Variants in P2RX7 observed in about 807,000 individuals in gnomAD.
P2RX7 encodes the protein purinergic receptor P2X 7, also known as P2X purinoceptor 7.
A neutral mutation model predicts 71.6 loss-of-function variants in P2RX7; 62 were observed. The observed-to-expected ratio is 0.87, with a 90% confidence interval of 0.71 to 1.07. The LOEUF is 1.07. P2RX7 is among the 50% of genes least tolerant of loss of function. P2RX7 has a pLI of 0.00. For synonymous variants in P2RX7, 299 were observed against 283.3 expected (o/e 1.06, Z -0.56); for missense variants, 686 against 748.5 (o/e 0.92, Z 0.97).
chr12:121,165,527 T>C (rs1880845742), intron 6 of P2RX7, 90 bp downstream of exon 6: 13 of 1,009,870 alleles, frequency 1.3e-5, no homozygotes, highest in Non-Finnish European at 1.5e-5. Flanking sequence ...AACAAACGCC[T>C]ATTGTCTCCC....
chr12:121,137,367 A>G (rs1873926252), intron 1 of P2RX7, among the ~76,000 whole-genome samples: 1 of 152,190 alleles, frequency 6.6e-6, no homozygotes, highest in Non-Finnish European at 1.5e-5. Context: ...TCTGGAGGCA[A>G]AATTGGTTCC....
intron 1 of P2RX7, among the ~76,000 whole-genome samples, chr12:121,153,242 C>G (rs1397709262): frequency 6.6e-6 from 1 of 152,238 alleles, no homozygotes; most frequent in Non-Finnish European, 1.5e-5. Flanking sequence ...GGGACTGAGT[C>G]TTGGCCCACT....
intron 1 of P2RX7, among the ~76,000 whole-genome samples, chr12:121,140,160 C>T (rs760731443): frequency 3.3e-5 from 5 of 152,052 alleles, no homozygotes; most frequent in African/African-American, 7.2e-5. Flanking sequence ...GAAGTGACCC[C>T]GTAGGAGGAG....
chr12:121,157,691 A>G (rs1878868485), intron 3 of P2RX7, among the ~76,000 whole-genome samples: 1 of 152,236 alleles, frequency 6.6e-6, no homozygotes, highest in Admixed American at 6.5e-5. Context: ...CCCAGAGATT[A>G]AGAGCCTGGG....
chr12:121,180,527 C>T lies in P2RX7; in HGVS notation c.1290+72C>T, dbSNP rs113849844. On this transcript the variant is annotated intron_variant, in intron 12 of 12. Coordinates refer to ENST00000328963, the MANE Select transcript of P2RX7 (RefSeq NM_002562.6). Reference sequence around the variant, plus strand: ...TGTTAAATATAAACACATCTAGAAACTTGTACAAATCAAAACTGATGGATT... The same window carrying T: ...TGTTAAATATAAACACATCTAGAAATTTGTACAAATCAAAACTGATGGATT... 1.9e-3 allele frequency: 1,330 copies of T among 708,026 alleles called. 11 individuals carry two copies. In the African/African-American group the frequency reaches 0.021, roughly 11 times the overall value. The allele number at this position is 708,026 out of a possible 1,614,324, so 43.9% of individuals were successfully genotyped here.
chr12:121,167,845 C>G (rs1173849602), intron 8 of P2RX7, among the ~76,000 whole-genome samples: 2 of 150,028 alleles, frequency 1.3e-5, no homozygotes, highest in Non-Finnish European at 2.9e-5. Flanking sequence ...TGGAGTCTCA[C>G]TCTGTCACCC....
At chr12:121,140,825 C>T (rs375903066) in intron 1 of P2RX7, among the ~76,000 whole-genome samples, 9 of 152,146 alleles carry the variant, frequency 5.9e-5, no homozygotes, top group Non-Finnish European at 1.3e-4. Context: ...GGTGGCTCAA[C>T]GCCTGTAATC....
chr12:121,162,636 C>A, intron 5 of P2RX7, 116 bp downstream of exon 5: 1 of 1,248,910 alleles, frequency 8.0e-7, no homozygotes. Context: ...TGGGTCCTAC[C>A]GGCTTGGGGA....
chr12:121,182,599 G>T (rs1342563645), intron 12 of P2RX7, among the ~76,000 whole-genome samples: 1 of 152,138 alleles, frequency 6.6e-6, no homozygotes, highest in Non-Finnish European at 1.5e-5. Flanking sequence ...GTGAAAATAT[G>T]ATATAAAAGC....
chr12:121,133,686 C>T (rs937364578), intron 1 of P2RX7, among the ~76,000 whole-genome samples: 2 of 152,118 alleles, frequency 1.3e-5, no homozygotes, highest in Non-Finnish European at 2.9e-5. Context: ...ATATTTTAAT[C>T]GACTCAAAAG....
chr12:121,175,244 A>G, intron 8 of P2RX7, 144 bp from the exon 9 acceptor site: 1 of 540,792 alleles, frequency 1.8e-6, no homozygotes, highest in Non-Finnish European at 3.3e-6. Context: ...CTAGCAAGTC[A>G]AGGCTGCAGT....
chr12:121,153,744 T>C (rs551586069), intron 1 of P2RX7, among the ~76,000 whole-genome samples: 1 of 152,268 alleles, frequency 6.6e-6, no homozygotes, highest in Non-Finnish European at 1.5e-5. Context: ...TCCTGGTAAC[T>C]ATCTCCTACT....
intron 5 of P2RX7, 39 bp downstream of exon 5, chr12:121,162,559 G>T (rs141644289): frequency 3.1e-6 from 5 of 1,604,660 alleles, no homozygotes; most frequent in Non-Finnish European, 4.2e-6. Context: ...GGCCCTCAGC[G>T]GCGACCAGAT....
Position 121,177,438 on chromosome 12 carries a change from C to G in P2RX7, c.1180C>G (p.Pro394Ala). 3.7e-6 allele frequency: 6 copies of G among 1,613,174 alleles called. No individual in the cohort carries two copies. Among genetic ancestry groups the G allele is most frequent in the Non-Finnish European group, 3.4e-6 (4 of 1,179,972 alleles). The change falls in exon 11 of 13, where the codon CCA (proline) becomes GCA (alanine). Residue 394 changes from proline to alanine, a missense_variant. Transcript: ENST00000328963. ...YRKKCESIVEPKPTLKYVSFV... is the reference protein window; with the variant it reads ...YRKKCESIVEAKPTLKYVSFV... ...GAAGAAGTGCGAGTCCATTGTGGAG[C>G]CAAAGCCGGTGAGGCCGCTGTGTTC...
At position 121,143,365 on chromosome 12, in the gene P2RX7, G is replaced by A. The variant is rs565031104; in HGVS notation, c.125+10270G>A. Among the ~76,000 whole-genome samples, 3 of 152,218 alleles carry A rather than the reference G, an allele frequency of 2.0e-5. No homozygotes were observed. The South Asian group carries it at 6.2e-4, about 32-fold the overall frequency. On this transcript the variant is annotated intron_variant, in intron 1 of 12. Coordinates refer to ENST00000328963, the MANE Select transcript of P2RX7 (RefSeq NM_002562.6). ...GCTGAGATCACTCTGCTGCACTCCA[G>A]CCTGGACGACAGAGCGAAACTCCAT...
intron 3 of P2RX7, among the ~76,000 whole-genome samples, chr12:121,156,794 C>T (rs531917311): frequency 6.6e-6 from 1 of 152,328 alleles, no homozygotes; most frequent in South Asian, 2.1e-4. Flanking sequence ...TCTTTCCCAA[C>T]TTGGCTTTGC....
chr12:121,138,291 GAAC>G (rs1315096385), intron 1 of P2RX7, among the ~76,000 whole-genome samples: 3 of 152,188 alleles, frequency 2.0e-5, no homozygotes, highest in Non-Finnish European at 4.4e-5. Flanking sequence ...CTTCCTTCTT[GAAC>G]AACTCTGTAT....
intron 5 of P2RX7, among the ~76,000 whole-genome samples, chr12:121,163,327 TACACACACACACACACAC>T (rs113687409): frequency 1.4e-5 from 2 of 145,198 alleles, no homozygotes; most frequent in African/African-American, 5.1e-5. Context: ...ATGCCTGGCT[TACACACACACACACACAC>T]ACACACACAC....
At position 121,184,599 on chromosome 12, in the gene P2RX7, T is replaced by C. The variant is rs1230447116; in HGVS notation, c.1585T>C (p.Tyr529His). ...SRHVLQFLLLYQEPLLALDVD... is the reference protein window; with the variant it reads ...SRHVLQFLLLHQEPLLALDVD... ...ACACGTCCTGCAGTTCCTCCTGCTC[T>C]ACCAGGAGCCCTTGCTGGCGCTGGA... The change falls in exon 13 of 13, where the codon TAC (tyrosine) becomes CAC (histidine). Residue 529 changes from tyrosine to histidine, a missense_variant. Tyr to His is a moderately conservative substitution (Grantham distance 83). Transcript: ENST00000328963. 1 of 1,613,746 alleles carries C rather than the reference T, an allele frequency of 6.2e-7. No homozygotes were observed. Among genetic ancestry groups the C allele is most frequent in the East Asian group, 2.2e-5 (1 of 44,866 alleles).
Sources: allele counts gnomAD v4.1 joint callset (sites outside exome capture counted in the v4.1 genomes callset), GRCh38; gene constraint gnomAD v4.1.1; transcripts MANE v1.5; gene names NCBI Gene and HGNC (gene_info 2026-07-23, HGNC 2026-07-21).